STK17A: variants seen among roughly 807,000 people sequenced by gnomAD.
STK17A encodes serine/threonine-protein kinase 17A.
STK17A carries 26 observed loss-of-function variants against 43.7 expected under a neutral mutation model. That is an observed-to-expected ratio of 0.60 (90% CI 0.44 to 0.83). The LOEUF is 0.83. Among genes scored for constraint, STK17A ranks in the 40% least tolerant of loss-of-function variants. The pLI, the probability that STK17A is intolerant of heterozygous loss-of-function variation, is 0.00. For missense variants in STK17A, 476 were observed against 511.6 expected, an observed-to-expected ratio of 0.93 and a Z score of 0.67; for synonymous variants, 191 against 182.5, an observed-to-expected ratio of 1.05 and a Z score of -0.38.
chr7:43,583,462 G>A lies in STK17A; in HGVS notation c.206+13G>A. Reference sequence around the variant, plus strand: ...GGGAGCTGGGCAGGTGAGGACGGGCGGGGCCCGGCGCGGAACCTTCCCGGA... The same window carrying A: ...GGGAGCTGGGCAGGTGAGGACGGGCAGGGCCCGGCGCGGAACCTTCCCGGA... On this transcript the variant is annotated intron_variant, in intron 1 of 6. Transcript: ENST00000319357. 1.5e-6 allele frequency: 2 copies of A among 1,302,888 alleles called. No homozygotes were observed. Among genetic ancestry groups the A allele is most frequent in the South Asian group, 2.4e-5 (1 of 41,386 alleles). 80.7% of individuals were successfully genotyped at this position (1,302,888 alleles called of 1,614,324 possible).
chr7:43,619,821 A>G (rs898616802), intron 4 of STK17A, 98 bp downstream of exon 4: 3 of 1,422,280 alleles, frequency 2.1e-6, no homozygotes, highest in Admixed American at 4.5e-5. Flanking sequence ...CCAGCTATCT[A>G]CTATGTTGAA....
intron 3 of STK17A, among the ~76,000 whole-genome samples, chr7:43,618,927 A>C (rs1563162215): frequency 6.6e-6 from 1 of 152,210 alleles, no homozygotes; most frequent in Non-Finnish European, 1.5e-5. Flanking sequence ...TGGTGGGAGA[A>C]GAGGGCCATG....
chr7:43,620,566 C>T (rs1180364928), intron 4 of STK17A, among the ~76,000 whole-genome samples: 1 of 151,338 alleles, frequency 6.6e-6, no homozygotes, highest in South Asian at 2.1e-4. Context: ...CCCAGCTACT[C>T]GGGAGGCTGA....
chr7:43,621,121 T>C (rs1355722931), intron 4 of STK17A, among the ~76,000 whole-genome samples: 1 of 152,234 alleles, frequency 6.6e-6, no homozygotes, highest in Non-Finnish European at 1.5e-5. Flanking sequence ...CAAACCTGTA[T>C]GGCAATGATA....
intron 1 of STK17A, among the ~76,000 whole-genome samples, chr7:43,590,181 A>G (rs978591288): frequency 4.6e-5 from 7 of 151,160 alleles, no homozygotes; most frequent in African/African-American, 1.7e-4. Context: ...CCTGGGCTCA[A>G]GCAATCCGCC....
chr7:43,623,592 G>A lies in STK17A; in HGVS notation c.712G>A (p.Asp238Asn). The A allele has an allele frequency of 6.2e-7, 1 of 1,609,972 alleles. No individual in the cohort carries two copies. The highest frequency in any genetic ancestry group is 1.7e-5 in the Admixed American group (1 of 59,468). Reference sequence around the variant, plus strand: ...ACTAGCTCCTGAAATTCTTAGTTATGATCCTATAAGCATGGCAACAGATAT... The same window carrying A: ...ACTAGCTCCTGAAATTCTTAGTTATAATCCTATAAGCATGGCAACAGATAT... ...EYVAPEILSY[D>N]PISMATDMWS... The change falls in exon 5 of 7, where the codon GAT becomes AAT. Residue 238 changes from aspartate to asparagine, a missense_variant. By Grantham distance (23) the Asp-to-Asn change is conservative (BLOSUM62 1). Around this residue, in one of 3 missense-constraint regions of STK17A, gnomAD observed 320 missense variants for 326.3 expected, o/e 0.98. Coordinates refer to ENST00000319357, the MANE Select transcript of STK17A (RefSeq NM_004760.3).
intron 1 of STK17A, among the ~76,000 whole-genome samples, chr7:43,592,400 A>G (rs2082485974): frequency 6.6e-6 from 1 of 152,072 alleles, no homozygotes; most frequent in Admixed American, 6.5e-5. Flanking sequence ...CCATAGGGCT[A>G]TGCTTAAGGA....
At chr7:43,599,911 T>C (rs563211207) in intron 2 of STK17A, among the ~76,000 whole-genome samples, 1 of 151,414 alleles carries the variant, frequency 6.6e-6, no homozygotes, top group Non-Finnish European at 1.5e-5. Flanking sequence ...GCTGGAGTTC[T>C]GATGTCCACA....
intron 2 of STK17A, among the ~76,000 whole-genome samples, chr7:43,601,897 C>G (rs2082557909): frequency 1.3e-5 from 2 of 152,044 alleles, no homozygotes; most frequent in South Asian, 2.1e-4. Flanking sequence ...CTCTTATGTC[C>G]TTTTAACACC....
chr7:43,619,318 T>G (rs2083633380), intron 3 of STK17A, among the ~76,000 whole-genome samples: 1 of 152,100 alleles, frequency 6.6e-6, no homozygotes, highest in African/African-American at 2.4e-5. Flanking sequence ...GCAAGGAGAT[T>G]CAGGATCATG....
At chr7:43,619,772 A>AT (rs746883318) in intron 4 of STK17A, 49 bp downstream of exon 4, 1 of 1,596,814 alleles carries the variant, frequency 6.3e-7, no homozygotes, top group South Asian at 1.1e-5. Flanking sequence ...CATCACCTTC[A>AT]TTAGGGGACT....
At chr7:43,604,913 T>C (rs2082578581) in intron 2 of STK17A, among the ~76,000 whole-genome samples, 1 of 152,184 alleles carries the variant, frequency 6.6e-6, no homozygotes, top group South Asian at 2.1e-4. Flanking sequence ...ATTGACAGCT[T>C]ATTTTGCTGC....
intron 1 of STK17A, among the ~76,000 whole-genome samples, chr7:43,588,910 TTA>T (rs2082461625): frequency 1.3e-5 from 2 of 151,522 alleles, no homozygotes; most frequent in Non-Finnish European, 3.0e-5. Context: ...AAGCACTACC[TTA>T]GGCTCTGGAA....
chr7:43,606,171 A>G (rs897251457), intron 2 of STK17A, among the ~76,000 whole-genome samples: 4 of 152,124 alleles, frequency 2.6e-5, no homozygotes, highest in Admixed American at 2.0e-4. Context: ...AGGACCAGAC[A>G]TACTTATTTG....
rs942576197 is a variant in STK17A at position 43,625,771 on chromosome 7, G to C, written c.*929G>C. ...CCTAGAGCAGAGAGAGAGAGAGAGA[G>C]AGAGAGTGTCTTCATGCCAACCACA... is the stretch of plus-strand genomic sequence containing the variant. On this transcript the variant is annotated 3_prime_UTR_variant, in exon 7 of 7. Transcript: ENST00000319357. 3 of 152,034 alleles carry C rather than the reference G, an allele frequency of 2.0e-5. No homozygotes were observed. The highest frequency in any genetic ancestry group is 4.4e-5 in the Non-Finnish European group (3 of 68,050). The allele number at this position is 152,034 out of a possible 1,614,324, so 9.4% of individuals were successfully genotyped here.
intron 4 of STK17A, among the ~76,000 whole-genome samples, chr7:43,621,686 A>G (rs1230335709): frequency 2.0e-5 from 3 of 152,072 alleles, no homozygotes; most frequent in African/African-American, 7.2e-5. Context: ...TGCCCAGGCT[A>G]GTGATTTGTT....
intron 2 of STK17A, among the ~76,000 whole-genome samples, chr7:43,596,518 T>TA (rs1163289893): frequency 2.0e-5 from 3 of 152,194 alleles, no homozygotes; most frequent in African/African-American, 7.2e-5. Context: ...AGTAGGTAGA[T>TA]AACAGCACAG....
chr7:43,601,624 C>T (rs542787256), intron 2 of STK17A, among the ~76,000 whole-genome samples: 5 of 150,108 alleles, frequency 3.3e-5, no homozygotes, highest in Non-Finnish European at 7.4e-5. Flanking sequence ...TGACTTTTTT[C>T]TTCCCTTTTC....
At chr7:43,604,786 CTT>C (rs2082577514) in intron 2 of STK17A, among the ~76,000 whole-genome samples, 1 of 152,176 alleles carries the variant, frequency 6.6e-6, no homozygotes, top group Non-Finnish European at 1.5e-5. Context: ...CCCTACCTCT[CTT>C]CTCTTATTCC....
Sources: allele counts gnomAD v4.1 joint callset (sites outside exome capture counted in the v4.1 genomes callset), GRCh38; gene constraint gnomAD v4.1.1; regional missense constraint gnomAD v4.1.1; transcripts MANE v1.5; gene names NCBI Gene and HGNC (gene_info 2026-07-23, HGNC 2026-07-21).